BTAF1: variants seen among roughly 807,000 people sequenced by gnomAD.
The protein encoded by BTAF1 is TATA-binding protein-associated factor 172.
Under a neutral mutation model 227.1 loss-of-function variants are expected in BTAF1, and 38 were observed. The observed-to-expected ratio is 0.17, with a 90% CI of 0.13 to 0.22. The LOEUF (loss-of-function observed/expected upper bound fraction) is 0.22, where lower values mean the gene tolerates loss of function less well. BTAF1 is among the 10% of genes least tolerant of loss of function. The pLI is 1.00. For missense variants in BTAF1, 1,598 were observed against 2,204.0 expected, an observed-to-expected ratio of 0.73 and a Z score of 5.51; for synonymous variants, 742 against 751.9, an observed-to-expected ratio of 0.99 and a Z score of 0.21.
intron 14 of BTAF1, among the ~76,000 whole-genome samples, chr10:91,973,038 A>T (rs1162849199): frequency 6.6e-6 from 1 of 152,192 alleles, no homozygotes; most frequent in Non-Finnish European, 1.5e-5. Flanking sequence ...GATAATAAAA[A>T]TCCACTCTCA....
intron 19 of BTAF1, among the ~76,000 whole-genome samples, chr10:91,988,011 T>C (rs1848519775): frequency 6.6e-6 from 1 of 152,214 alleles, no homozygotes; most frequent in South Asian, 2.1e-4. Flanking sequence ...CCTACCTCAC[T>C]TTGTTTGCCA....
chr10:91,979,413 T>C (rs1295033359), intron 14 of BTAF1, among the ~76,000 whole-genome samples: 1 of 152,176 alleles, frequency 6.6e-6, no homozygotes, highest in East Asian at 1.9e-4. Context: ...TTAAAACTTG[T>C]TTCAAACCAT....
intron 24 of BTAF1, 120 bp downstream of exon 24, chr10:91,996,690 C>T (rs1217133567): frequency 2.8e-5 from 25 of 880,336 alleles, no homozygotes; most frequent in Admixed American, 2.1e-4. Context: ...CCAAAAAATA[C>T]CTATTCTTTT....
intron 23 of BTAF1, 55 bp downstream of exon 23, chr10:91,994,699 A>T (rs1849021798): frequency 1.4e-6 from 2 of 1,450,104 alleles, no homozygotes; most frequent in South Asian, 1.2e-5. Context: ...TGGTCTTATT[A>T]AAAAGTCTTA....
At chr10:91,948,010 CT>C (rs956223905) in intron 4 of BTAF1, among the ~76,000 whole-genome samples, 19 of 151,630 alleles carry the variant, frequency 1.3e-4, no homozygotes, top group African/African-American at 4.1e-4. Context: ...ATTGCTTTAT[CT>C]TTTTTTTATT....
Position 92,011,198 on chromosome 10 carries a change from C to T in BTAF1, c.4181+48C>T, listed in dbSNP as rs546654605. ...GAAAAATTAATATCAAATTTGAAGA[C>T]TCTTAATATTTTCCCACTTTAAAGA... On this transcript the variant is annotated intron_variant, in intron 29 of 37. Transcript: ENST00000265990. 6.6e-6 allele frequency: 10 copies of T among 1,513,980 alleles called. No homozygotes were observed. In the Admixed American group the frequency reaches 1.3e-4, roughly 19 times the overall value. The allele number at this position is 1,513,980 out of a possible 1,614,324, so 93.8% of individuals were successfully genotyped here.
At chr10:91,930,067 A>T (rs10882000) in intron 1 of BTAF1, among the ~76,000 whole-genome samples, 41,568 of 152,076 alleles carry the variant, frequency 0.27, 6,944 homozygotes, top group Non-Finnish European at 0.38. Context: ...TATTTTAAAA[A>T]TTTTTTAATT....
Position 92,011,406 on chromosome 10 carries a change from AC to A in BTAF1, c.4304del (p.Pro1435GlnfsTer36). ...ATTATAGGATTATTCTTTCTGGAAC[AC>A]CAATCCAGGTAATTATTTATTATTA... ...ANYRIILSGT[P>X]IQNNVLELWS... On this transcript the variant is annotated frameshift_variant, in exon 30 of 38. Coordinates refer to ENST00000265990, the MANE Select transcript of BTAF1 (RefSeq NM_003972.3). LOFTEE classifies it high-confidence loss of function. The A allele has an allele frequency of 7.4e-7, 1 of 1,354,554 alleles. No homozygotes were observed. The highest frequency in any genetic ancestry group is 9.7e-7 in the Non-Finnish European group (1 of 1,032,272). 83.9% of individuals were successfully genotyped at this position (1,354,554 alleles called of 1,614,324 possible). A position where few individuals can be genotyped will look rare whatever the true frequency, so the allele number is the denominator to read the frequency against.
rs910528614 is a variant in BTAF1, at chr10:92,028,868, C to A, written c.5485C>A (p.Leu1829Ile). Reference sequence around the variant, plus strand: ...ATCAATTCTTGAAAACCTGAGTGATCTTTGGGATCAAGAGCAGTATGATTC... The same window carrying A: ...ATCAATTCTTGAAAACCTGAGTGATATTTGGGATCAAGAGCAGTATGATTC... ...MKSILENLSD[L>I]WDQEQYDSEY... The change falls in exon 38 of 38, where the codon CTT (leucine) becomes ATT (isoleucine). Residue 1829 changes from leucine to isoleucine, a missense_variant. By Grantham distance (5) the Leu-to-Ile change is conservative (BLOSUM62 2). Transcript: ENST00000265990. 6.2e-7 allele frequency: 1 copy of A among 1,608,738 alleles called. No individual in the cohort carries two copies. Among genetic ancestry groups the A allele is most frequent in the African/African-American group, 1.3e-5 (1 of 74,556 alleles).
At chr10:91,935,224 A>G (rs2133791489) in intron 1 of BTAF1, 1 of 154,320 alleles carries the variant, frequency 6.5e-6, no homozygotes, top group Middle Eastern at 3.4e-3. Flanking sequence ...CACCTTAAAC[A>G]TTTATCATTT....
chr10:91,952,160 TTG>T (rs143124844), intron 5 of BTAF1, among the ~76,000 whole-genome samples: 20,860 of 148,354 alleles, frequency 0.14, 1,682 homozygotes, highest in African/African-American at 0.21. Context: ...GTGTGTGTGT[TTG>T]TGTGTGTGTG....
At chr10:91,969,047 T>C (rs556079958) in intron 14 of BTAF1, among the ~76,000 whole-genome samples, 1 of 151,066 alleles carries the variant, frequency 6.6e-6, no homozygotes, top group African/African-American at 2.4e-5. Flanking sequence ...AAAATTTTTT[T>C]TTTTTTTTTT....
Position 92,029,081 on chromosome 10 carries a change from G to T in BTAF1, c.*148G>T. On this transcript the variant is annotated 3_prime_UTR_variant, in exon 38 of 38. Transcript: ENST00000265990. Reference sequence around the variant, plus strand: ...CATAATGCTGGCTCTTGTTTCACTGGGGGAAACAAGTTATTCTCAAATATT... The same window carrying T: ...CATAATGCTGGCTCTTGTTTCACTGTGGGAAACAAGTTATTCTCAAATATT... 1 of 629,738 alleles carries T rather than the reference G, an allele frequency of 1.6e-6. No homozygotes were observed. The highest frequency in any genetic ancestry group is 2.5e-6 in the Non-Finnish European group (1 of 400,918). The allele number at this position is 629,738 out of a possible 1,614,324, so 39.0% of individuals were successfully genotyped here.
intron 17 of BTAF1, 37 bp downstream of exon 17, chr10:91,982,262 AC>A: frequency 1.2e-6 from 2 of 1,613,152 alleles, no homozygotes; most frequent in East Asian, 4.5e-5. Context: ...TCATACATTT[AC>A]AAGTCTGGCT....
chr10:91,967,996 T>A (rs1482545428), intron 14 of BTAF1, among the ~76,000 whole-genome samples: 2 of 152,190 alleles, frequency 1.3e-5, no homozygotes, highest in Non-Finnish European at 2.9e-5. Flanking sequence ...ATTGTTAACA[T>A]CTTGCATTAG....
intron 24 of BTAF1, chr10:91,997,003 A>C: frequency 1.3e-6 from 1 of 741,762 alleles, no homozygotes; most frequent in Admixed American, 2.6e-5. Context: ...TATACTAGAT[A>C]ATTAGAAATA....
intron 21 of BTAF1, among the ~76,000 whole-genome samples, chr10:91,992,568 G>C (rs1049439688): frequency 4.3e-4 from 66 of 152,296 alleles, no homozygotes; most frequent in Non-Finnish European, 7.5e-4. Context: ...AGCAGTGACT[G>C]TAGAGAAGGT....
intron 25 of BTAF1, among the ~76,000 whole-genome samples, chr10:92,001,731 C>T (rs572198963): frequency 5.3e-5 from 8 of 152,094 alleles, no homozygotes; most frequent in South Asian, 2.1e-4. Flanking sequence ...AAAATTACCA[C>T]GCCCAAAAAT....
intron 35 of BTAF1, among the ~76,000 whole-genome samples, chr10:92,025,898 G>A (rs1050367764): frequency 4.6e-5 from 7 of 151,408 alleles, no homozygotes; most frequent in South Asian, 2.1e-4. Context: ...TTTGGAAGCC[G>A]ACAGGCTCAG....
Sources: gnomAD v4.1 joint callset for allele counts (sites outside exome capture counted in the v4.1 genomes callset) on GRCh38, gnomAD v4.1.1 for gene constraint, MANE v1.5 for transcripts, NCBI Gene and HGNC (gene_info 2026-07-23, HGNC 2026-07-21) for gene names.